The following CCDC12 variants were observed in gnomAD, a reference collection of about 807,000 sequenced individuals.
CCDC12 encodes coiled-coil domain-containing protein 12.
A neutral mutation model predicts 25.7 loss-of-function variants in CCDC12; 28 were observed. The observed-to-expected ratio is 1.09, with a 90% CI of 0.81 to 1.50. The LOEUF (loss-of-function observed/expected upper bound fraction) is 1.50, where lower values mean the gene tolerates loss of function less well. Among genes scored for constraint, CCDC12 ranks in the 40% most tolerant of loss-of-function variants. The pLI is 0.00. For synonymous variants in CCDC12, 75 were observed against 87.7 expected (o/e 0.86, Z 0.81); for missense variants, 198 against 210.0 (o/e 0.94, Z 0.35).
At chr3:46,979,877 C>T, upstream of CCDC12, 1 of 469,550 alleles carries the variant, frequency 2.1e-6, no homozygotes, top group Non-Finnish European at 3.8e-6. Context: ...CGCCTCGGAG[C>T]GGCTGTACGA....
intron 2 of CCDC12, among the ~76,000 whole-genome samples, chr3:46,930,929 C>G (rs927552576): frequency 1.3e-5 from 2 of 152,222 alleles, no homozygotes; most frequent in African/African-American, 4.8e-5. Flanking sequence ...CTTTCACAGC[C>G]TGCCCTAAAT....
chr3:46,965,120 C>T (rs2034601315), intron 1 of CCDC12, among the ~76,000 whole-genome samples: 1 of 152,150 alleles, frequency 6.6e-6, no homozygotes, highest in Non-Finnish European at 1.5e-5. Context: ...ATCCCATTCA[C>T]ACCCTCCTGG....
intron 3 of CCDC12, chr3:46,925,056 G>T: frequency 2.7e-6 from 1 of 366,696 alleles, no homozygotes; most frequent in Non-Finnish European, 5.4e-6. Context: ...GCTGTGTGTG[G>T]CTGAATGACT....
chr3:46,977,694 T>G (rs887833944), upstream of CCDC12, among the ~76,000 whole-genome samples: 1 of 152,044 alleles, frequency 6.6e-6, no homozygotes, highest in Admixed American at 6.6e-5. Context: ...GATGATCCCC[T>G]CTCATTCCCA....
chr3:46,961,074 G>C (rs188383066), intron 1 of CCDC12, among the ~76,000 whole-genome samples: 1 of 151,820 alleles, frequency 6.6e-6, no homozygotes, highest in Non-Finnish European at 1.5e-5. Flanking sequence ...GGTGTGTGGT[G>C]GTGTTGTGAG....
intron 1 of CCDC12, chr3:46,976,250 A>G (rs941998465): frequency 1.1e-5 from 11 of 994,268 alleles, no homozygotes; most frequent in Non-Finnish European, 1.4e-5. Flanking sequence ...TCTGACTCAG[A>G]ATCGAAGGCG....
rs554215777 is a variant in CCDC12, at chr3:46,924,851, CAT to C, written c.244+603_244+604del. The C allele has an allele frequency of 2.1e-4, 32 of 155,720 alleles. No individual in the cohort carries two copies. In the South Asian group the frequency reaches 5.0e-3, roughly 24 times the overall value. The allele number at this position is 155,720 out of a possible 1,614,324, so 9.6% of individuals were successfully genotyped here. A position where few individuals can be genotyped will look rare whatever the true frequency, so the allele number is the denominator to read the frequency against. On this transcript the variant is annotated intron_variant, in intron 3 of 6. Coordinates refer to ENST00000683445, the MANE Select transcript of CCDC12 (RefSeq NM_001277074.2). ...AAAATAAAATAAAATAAATAACAAA[CAT>C]AAAGAATTAAAATGGGGACCCTCCA...
At position 46,956,339 on chromosome 3, in the gene CCDC12, T is replaced by C. The variant is rs73831428; in HGVS notation, c.97-15274A>G. On this transcript the variant is annotated intron_variant, in intron 1 of 6. Coordinates refer to ENST00000683445, the MANE Select transcript of CCDC12 (RefSeq NM_001277074.2). ...TTCAAAGAGCCCACCTACTCCTGGG[T>C]CACATCTCTAATACATGGCCCAGTT... is the stretch of plus-strand genomic sequence containing the variant. Among the ~76,000 whole-genome samples, 322 of 152,260 alleles carry C rather than the reference T, an allele frequency of 2.1e-3. 3 individuals carry two copies. Among genetic ancestry groups the C allele is most frequent in the African/African-American group, 7.4e-3 (309 of 41,538 alleles).
At chr3:46,940,034 C>T (rs2033633880) in intron 2 of CCDC12, among the ~76,000 whole-genome samples, 1 of 152,216 alleles carries the variant, frequency 6.6e-6, no homozygotes, top group Non-Finnish European at 1.5e-5. Flanking sequence ...TCAAGGCAAC[C>T]TGTCCAGAAA....
intron 1 of CCDC12, 81 bp downstream of exon 1, chr3:46,976,556 T>G: frequency 6.6e-7 from 1 of 1,524,796 alleles, no homozygotes; most frequent in Non-Finnish European, 8.8e-7. Flanking sequence ...CTTTCCTTAT[T>G]AGCCCTTTGC....
chr3:46,924,309 G>A (rs2032840256), intron 3 of CCDC12: 1 of 152,332 alleles, frequency 6.6e-6, no homozygotes, highest in Non-Finnish European at 1.5e-5. Context: ...AGATACAGAT[G>A]AGAGTTGAGG....
At chr3:46,925,380 A>G in intron 3 of CCDC12, 76 bp downstream of exon 3, 2 of 1,282,834 alleles carry the variant, frequency 1.6e-6, no homozygotes, top group Non-Finnish European at 2.3e-6. Flanking sequence ...GGTTATTCTC[A>G]GAGAGCAAAG....
At chr3:46,972,999 C>T (rs985455232) in intron 1 of CCDC12, among the ~76,000 whole-genome samples, 1 of 151,302 alleles carries the variant, frequency 6.6e-6, no homozygotes, top group South Asian at 2.1e-4. Flanking sequence ...GATTTTAGTT[C>T]GTCGAAAAGA....
At chr3:46,938,518 G>GTTTTTTTT (rs66474878) in intron 2 of CCDC12, among the ~76,000 whole-genome samples, 5 of 91,408 alleles carry the variant, frequency 5.5e-5, no homozygotes, top group African/African-American at 4.2e-5. Context: ...TTCCCCTCCT[G>GTTTTTTTT]TTTTTTTTTT....
chr3:46,939,062 T>C (rs2033584140), intron 2 of CCDC12, among the ~76,000 whole-genome samples: 1 of 152,146 alleles, frequency 6.6e-6, no homozygotes, highest in Non-Finnish European at 1.5e-5. Context: ...TCCATGAGGG[T>C]AGGGGCTGTA....
chr3:46,958,100 C>T (rs1482214409), intron 1 of CCDC12, among the ~76,000 whole-genome samples: 1 of 151,700 alleles, frequency 6.6e-6, no homozygotes, highest in South Asian at 2.1e-4. Flanking sequence ...CCTTGAAGCA[C>T]GACAAGATAA....
intron 1 of CCDC12, among the ~76,000 whole-genome samples, chr3:46,946,492 T>A (rs187704560): frequency 6.6e-6 from 1 of 152,292 alleles, no homozygotes; most frequent in East Asian, 1.9e-4. Context: ...TACAAAGACA[T>A]GAGAGCGGAG....
chr3:46,981,104 C>T (rs942753978), upstream of CCDC12, among the ~76,000 whole-genome samples: 3 of 152,236 alleles, frequency 2.0e-5, no homozygotes, highest in African/African-American at 7.2e-5. Flanking sequence ...TTTGGTATAA[C>T]TCAGATCGAA....
upstream of CCDC12, chr3:46,979,669 G>A: frequency 3.2e-6 from 1 of 313,982 alleles, no homozygotes; most frequent in East Asian, 4.8e-5. Context: ...GGCCGGCAGT[G>A]AGGAGGAGGA....
Sources: allele counts gnomAD v4.1 joint callset (sites outside exome capture counted in the v4.1 genomes callset), GRCh38; gene constraint gnomAD v4.1.1; transcripts MANE v1.5; gene names NCBI Gene and HGNC (gene_info 2026-07-23, HGNC 2026-07-21).